Variants in NUDCD3 observed in about 807,000 individuals in gnomAD.
The protein encoded by NUDCD3 is NudC domain containing 3, also known as nudC domain-containing protein 3.
Under a neutral mutation model 39.7 loss-of-function variants are expected in NUDCD3, and 13 were observed. That is an observed-to-expected ratio of 0.33 (90% CI 0.21 to 0.52). NUDCD3 has a LOEUF of 0.52. Ranked by LOEUF, NUDCD3 falls within the 20% of genes least tolerant of loss-of-function variation. The pLI is 0.96. For missense variants in NUDCD3, 453 were observed against 458.1 expected (o/e 0.99, Z 0.10); for synonymous variants, 175 against 172.4 (o/e 1.02, Z -0.12).
chr7:44,457,737 T>G (rs1799932968), intron 2 of NUDCD3, among the ~76,000 whole-genome samples: 1 of 152,114 alleles, frequency 6.6e-6, no homozygotes, highest in Admixed American at 6.5e-5. Context: ...ATAACGCACA[T>G]GAAAAAATAC....
At chr7:44,403,107 T>C (rs1798753898) in intron 4 of NUDCD3, among the ~76,000 whole-genome samples, 1 of 152,182 alleles carries the variant, frequency 6.6e-6, no homozygotes, top group African/African-American at 2.4e-5. Context: ...ATCTTCACAG[T>C]ATTTGCAGGC....
At chr7:44,402,904 C>A (rs1490682859) in intron 4 of NUDCD3, 2 of 268,580 alleles carry the variant, frequency 7.4e-6, no homozygotes, top group Non-Finnish European at 1.5e-5. Context: ...CATACCTCCA[C>A]AACCACGTGA....
rs1048116875 is a variant in NUDCD3 at position 44,379,376 on chromosome 7, C to A, written c.*6635G>T. The A allele has an allele frequency of 1.0e-3, 3 of 2,864 alleles. No individual in the cohort carries two copies. Among genetic ancestry groups the A allele is most frequent in the Non-Finnish European group, 1.2e-3 (2 of 1,616 alleles). The allele number at this position is 2,864 out of a possible 1,614,324, so 0.2% of individuals were successfully genotyped here. A position where few individuals can be genotyped will look rare whatever the true frequency, so the allele number is the denominator to read the frequency against. ...GACAGAGATGAGGCAGTTGGCGGGG[C>A]GGGGCGGGGTGGGGGGGAACAGGGG... On this transcript the variant is annotated 3_prime_UTR_variant, in exon 6 of 6. Transcript: ENST00000355451.
chr7:44,429,141 T>C (rs546662563), intron 2 of NUDCD3, among the ~76,000 whole-genome samples: 18 of 152,296 alleles, frequency 1.2e-4, no homozygotes, highest in Non-Finnish European at 8.8e-5. Context: ...TGTCTATGCA[T>C]GAAGCTGGGC....
intron 5 of NUDCD3, among the ~76,000 whole-genome samples, chr7:44,389,949 T>A (rs560006122): frequency 2.2e-4 from 34 of 152,208 alleles, no homozygotes; most frequent in Non-Finnish European, 4.6e-4. Context: ...TGAGCAGGTA[T>A]TCCTGCTATT....
intron 2 of NUDCD3, among the ~76,000 whole-genome samples, chr7:44,477,749 T>C (rs1330729266): frequency 1.3e-5 from 2 of 152,040 alleles, no homozygotes; most frequent in Non-Finnish European, 2.9e-5. Flanking sequence ...GGTCACCCAG[T>C]CTAGTATTAC....
intron 1 of NUDCD3, among the ~76,000 whole-genome samples, chr7:44,487,373 T>C (rs1213643309): frequency 6.6e-6 from 1 of 151,912 alleles, no homozygotes; most frequent in Admixed American, 6.6e-5. Context: ...TCTGCCTATA[T>C]TCAGCAGAGA....
chr7:44,476,709 T>G (rs929443763), intron 2 of NUDCD3, among the ~76,000 whole-genome samples: 1 of 152,150 alleles, frequency 6.6e-6, no homozygotes, highest in Non-Finnish European at 1.5e-5. Context: ...GAATTCGGCA[T>G]GCACTGGGGG....
intron 4 of NUDCD3, among the ~76,000 whole-genome samples, chr7:44,393,247 G>A (rs560088180): frequency 7.9e-5 from 12 of 152,298 alleles, no homozygotes; most frequent in African/African-American, 2.9e-4. Flanking sequence ...GGATGGCACA[G>A]ACATCCCTTG....
intron 3 of NUDCD3, among the ~76,000 whole-genome samples, chr7:44,412,570 T>A (rs1279313725): frequency 6.6e-6 from 1 of 152,194 alleles, no homozygotes; most frequent in Non-Finnish European, 1.5e-5. Context: ...GGGGCCCAAA[T>A]TGCCACTTAG....
intron 3 of NUDCD3, among the ~76,000 whole-genome samples, chr7:44,421,202 C>T (rs567926818): frequency 4.0e-5 from 6 of 151,880 alleles, no homozygotes; most frequent in Admixed American, 3.3e-4. Context: ...GGCATGGTGG[C>T]GTGCACCTGT....
chr7:44,490,617 G>C lies in NUDCD3; in HGVS notation c.-17C>G, dbSNP rs757149282. ...TGTCTCCATGTCGCCTCCCGCCCTAGGTACGCTTCACACACACAGCGCCGC... is the reference window on the plus strand; with the variant it reads ...TGTCTCCATGTCGCCTCCCGCCCTACGTACGCTTCACACACACAGCGCCGC... On this transcript the variant is annotated 5_prime_UTR_variant, in exon 1 of 6. Coordinates refer to ENST00000355451, the MANE Select transcript of NUDCD3 (RefSeq NM_015332.4). 6.9e-6 allele frequency: 11 copies of C among 1,591,448 alleles called. No homozygotes were observed. The East Asian group carries it at 2.5e-4, about 37-fold the overall frequency.
intron 3 of NUDCD3, among the ~76,000 whole-genome samples, chr7:44,427,089 G>A (rs990893547): frequency 6.6e-6 from 1 of 152,250 alleles, no homozygotes; most frequent in African/African-American, 2.4e-5. Context: ...TCACATGACA[G>A]ATGCTATGTG....
chr7:44,415,199 T>C (rs1585063953), intron 3 of NUDCD3, among the ~76,000 whole-genome samples: 1 of 152,232 alleles, frequency 6.6e-6, no homozygotes, highest in South Asian at 2.1e-4. Context: ...CTCTGGAGTT[T>C]AATTTTCAAA....
intron 4 of NUDCD3, chr7:44,402,548 G>A (rs777209785): frequency 3.3e-5 from 14 of 425,622 alleles, no homozygotes; most frequent in Admixed American, 2.0e-4. Context: ...TTCCAAATAC[G>A]GTGGCTATGG....
rs144371074 is a variant in NUDCD3, at chr7:44,395,667, TAC to T, written c.787-3184_787-3183del. 5.7e-3 allele frequency among the ~76,000 whole-genome samples: 868 copies of T among 152,360 alleles called. 5 individuals carry two copies. The highest frequency in any genetic ancestry group is 0.02 in the African/African-American group (826 of 41,588). On this transcript the variant is annotated intron_variant, in intron 4 of 5. Transcript: ENST00000355451. ...TGGACATTTCACACAAATGGAATAA[TAC>T]AGTTATCTGTTTGTTTTTGTCTGGC... is the stretch of plus-strand genomic sequence containing the variant.
rs868864586 is a variant in NUDCD3, at chr7:44,427,604, C to T, written c.609G>A (p.Val203=). The change falls in exon 3 of 6, where the codon GTG becomes GTA. Residue 203 remains valine (V), a synonymous_variant. Coordinates refer to ENST00000355451, the MANE Select transcript of NUDCD3 (RefSeq NM_015332.4). ...CCTTCACCACGTGCTTGGGTACTGG[C>T]ACCCTGACCTCCAGGTCAGTATAGT... ...SQDYTDLEVR[V]PVPKHVVKGK... 1 of 1,613,410 alleles carries T rather than the reference C, an allele frequency of 6.2e-7. No homozygotes were observed.
chr7:44,431,667 CCT>C (rs1491138192), intron 2 of NUDCD3, among the ~76,000 whole-genome samples: 4 of 140,516 alleles, frequency 2.8e-5, no homozygotes, highest in South Asian at 2.3e-4. Context: ...CTCTCTCCTT[CCT>C]TTTTTTTTTT....
intron 2 of NUDCD3, among the ~76,000 whole-genome samples, chr7:44,434,015 T>C (rs951117292): frequency 6.6e-6 from 1 of 152,218 alleles, no homozygotes; most frequent in Non-Finnish European, 1.5e-5. Context: ...TGAATTTTCT[T>C]CTGGGTTTCT....
Sources: allele counts gnomAD v4.1 joint callset (sites outside exome capture counted in the v4.1 genomes callset), GRCh38; gene constraint gnomAD v4.1.1; transcripts MANE v1.5; gene names NCBI Gene and HGNC (gene_info 2026-07-23, HGNC 2026-07-21).